MARVELD2: variants seen among roughly 807,000 people sequenced by gnomAD.
MARVELD2 encodes MARVEL domain containing 2.
A neutral mutation model predicts 57.6 loss-of-function variants in MARVELD2; 49 were observed. The ratio of observed to expected loss-of-function variants is 0.85; its 90% CI spans 0.68 to 1.08. The LOEUF (loss-of-function observed/expected upper bound fraction) is 1.08. MARVELD2 is among the 50% of genes least tolerant of loss of function. MARVELD2 has a pLI of 0.00. For missense variants in MARVELD2, 606 were observed against 701.1 expected (o/e 0.86, Z 1.53); for synonymous variants, 238 against 258.8 (o/e 0.92, Z 0.77).
chr5:69,433,256 G>C (rs753616959), intron 5 of MARVELD2, among the ~76,000 whole-genome samples, 163 bp downstream of exon 5: 6 of 147,360 alleles, frequency 4.1e-5, no homozygotes, highest in Admixed American at 7.1e-5. Context: ...TCCACCTCCT[G>C]GGTTCAAGCA....
intron 1 of MARVELD2, 149 bp from the exon 2 acceptor site, chr5:69,419,222 G>A (rs1259528570): frequency 1.1e-5 from 9 of 850,784 alleles, no homozygotes; most frequent in African/African-American, 3.4e-5. Context: ...CACCGTGCCC[G>A]GTATCATATT....
intron 5 of MARVELD2, chr5:69,433,468 T>C: frequency 4.0e-6 from 1 of 248,152 alleles, no homozygotes; most frequent in South Asian, 4.8e-5. Context: ...CTGGCTTTTT[T>C]TTTTTTTTAA....
intron 3 of MARVELD2, among the ~76,000 whole-genome samples, chr5:69,427,105 T>G (rs1766815789): frequency 6.6e-6 from 1 of 152,232 alleles, no homozygotes; most frequent in Non-Finnish European, 1.5e-5. Flanking sequence ...TGCCTTCTTA[T>G]TTTGTGTTTT....
intron 2 of MARVELD2, among the ~76,000 whole-genome samples, chr5:69,424,345 T>A (rs1766718682): frequency 6.6e-6 from 1 of 152,122 alleles, no homozygotes; most frequent in Non-Finnish European, 1.5e-5. Flanking sequence ...TTCAGAGTGG[T>A]TTATCTAACA....
intron 1 of MARVELD2, among the ~76,000 whole-genome samples, chr5:69,418,012 G>T (rs1766483252): frequency 6.6e-6 from 1 of 152,102 alleles, no homozygotes; most frequent in African/African-American, 2.4e-5. Context: ...GGAGGCTGAG[G>T]CAGCTGGAGT....
chr5:69,431,003 G>A (rs1766945983), intron 3 of MARVELD2, among the ~76,000 whole-genome samples: 1 of 149,990 alleles, frequency 6.7e-6, no homozygotes, highest in Non-Finnish European at 1.5e-5. Flanking sequence ...GCTCCCTGCA[G>A]CCTCGAACTC....
intron 2 of MARVELD2, among the ~76,000 whole-genome samples, chr5:69,421,679 C>G (rs1766630329): frequency 6.6e-6 from 1 of 151,808 alleles, no homozygotes. Context: ...CCAGGCTGGT[C>G]TCAAACTCCT....
intron 5 of MARVELD2, among the ~76,000 whole-genome samples, chr5:69,439,782 ATATT>A (rs987190015): frequency 3.3e-5 from 5 of 151,816 alleles, no homozygotes; most frequent in East Asian, 3.9e-4. Context: ...GTAAATTATT[ATATT>A]TATTTATTTA....
intron 3 of MARVELD2, among the ~76,000 whole-genome samples, chr5:69,431,830 CTTTTTTT>C (rs904263527): frequency 6.1e-5 from 6 of 97,850 alleles, no homozygotes; most frequent in Middle Eastern, 7.2e-3. Context: ...TCTTCTTCTT[CTTTTTTT>C]TTTTTTTTTT....
chr5:69,435,080 T>C (rs1295320908), intron 5 of MARVELD2, among the ~76,000 whole-genome samples: 1 of 149,268 alleles, frequency 6.7e-6, no homozygotes, highest in Non-Finnish European at 1.5e-5. Flanking sequence ...GGGAGTGCAG[T>C]GGTGCAATCT....
intron 1 of MARVELD2, among the ~76,000 whole-genome samples, chr5:69,417,111 G>A (rs1766453389): frequency 6.6e-6 from 1 of 152,090 alleles, no homozygotes; most frequent in Admixed American, 6.6e-5. Context: ...CCTGCTTCAG[G>A]GCATTTGCGC....
intron 3 of MARVELD2, among the ~76,000 whole-genome samples, chr5:69,427,404 CTTT>C (rs913822973): frequency 7.1e-6 from 1 of 140,822 alleles, no homozygotes; most frequent in African/African-American, 2.6e-5. Flanking sequence ...ATATCTTTTC[CTTT>C]TTTTTTTTTG....
At chr5:69,439,829 T>C (rs531790272) in intron 5 of MARVELD2, among the ~76,000 whole-genome samples, 1 of 152,208 alleles carries the variant, frequency 6.6e-6, no homozygotes, top group South Asian at 2.1e-4. Context: ...TCTCTATGCA[T>C]AGGTTTGCAT....
rs1164983924 is a variant in MARVELD2 at position 69,419,724 on chromosome 5, G to A, written c.339G>A (p.Val113=). ...ATATCAGGTACATCTCCGATGGAGT[G>A]GAGTGTTCACCACCAGCCTCTCCAG... ...VSDIRYISDG[V]ECSPPASPAR... The change falls in exon 2 of 7, where the codon GTG becomes GTA. Residue 113 remains valine (V), a synonymous_variant. Coordinates refer to ENST00000325631, the MANE Select transcript of MARVELD2 (RefSeq NM_001038603.3). The A allele has an allele frequency of 6.2e-7, 1 of 1,613,986 alleles. No individual in the cohort carries two copies. Among genetic ancestry groups the A allele is most frequent in the Non-Finnish European group, 8.5e-7 (1 of 1,180,046 alleles).
intron 3 of MARVELD2, 119 bp from the exon 4 acceptor site, chr5:69,432,408 T>A: frequency 9.0e-7 from 1 of 1,108,788 alleles, no homozygotes; most frequent in Non-Finnish European, 1.3e-6. Context: ...CCCAAAGTGC[T>A]AGGATTACAG....
intron 1 of MARVELD2, 145 bp downstream of exon 1, chr5:69,415,315 G>C (rs943107508): frequency 6.6e-6 from 1 of 152,204 alleles, no homozygotes; most frequent in Non-Finnish European, 1.5e-5. Context: ...GGGATCCGGG[G>C]AGGCCCGCGT....
At chr5:69,432,404 G>A in intron 3 of MARVELD2, 123 bp from the exon 4 acceptor site, 1 of 1,061,572 alleles carries the variant, frequency 9.4e-7, no homozygotes, top group Non-Finnish European at 1.4e-6. Context: ...TCCTCCCAAA[G>A]TGCTAGGATT....
At chr5:69,430,530 A>T (rs1055053462) in intron 3 of MARVELD2, among the ~76,000 whole-genome samples, 2 of 150,824 alleles carry the variant, frequency 1.3e-5, no homozygotes, top group Non-Finnish European at 3.0e-5. Context: ...TCTGGGTTTT[A>T]TTTATTTATT....
chr5:69,419,018 C>T (rs1681889101), intron 1 of MARVELD2: 1 of 248,216 alleles, frequency 4.0e-6, no homozygotes, highest in South Asian at 7.8e-5. Context: ...ACCTCTGCCT[C>T]CCGGGTTCAA....
Sources: gnomAD v4.1 joint callset for allele counts (sites outside exome capture counted in the v4.1 genomes callset) on GRCh38, gnomAD v4.1.1 for gene constraint, MANE v1.5 for transcripts, NCBI Gene and HGNC (gene_info 2026-07-23, HGNC 2026-07-21) for gene names.